Variants in SLC16A2 observed in about 807,000 individuals in gnomAD.
The protein encoded by SLC16A2 is solute carrier family 16 member 2, also known as monocarboxylate transporter 8.
SLC16A2 carries 3 observed loss-of-function variants against 27.2 expected under a neutral mutation model. That is an observed-to-expected ratio of 0.11 (90% CI 0.05 to 0.28). SLC16A2 has a LOEUF of 0.28. SLC16A2 is among the 10% of genes least tolerant of loss of function. The pLI, the probability that SLC16A2 is intolerant of heterozygous loss-of-function variation, is 1.00. For synonymous variants in SLC16A2, 202 were observed against 187.8 expected, an observed-to-expected ratio of 1.08 and a Z score of -0.62; for missense variants, 295 against 458.5, an observed-to-expected ratio of 0.64 and a Z score of 3.26.
At chrX:74,483,423 C>T (rs757749029) in intron 1 of SLC16A2, among the ~76,000 whole-genome samples, 1 of 111,701 alleles carries the variant, frequency 9.0e-6, no homozygotes, top group Non-Finnish European at 1.9e-5. Flanking sequence ...CTCTGGTTCT[C>T]TCTGTTAAAC....
intron 1 of SLC16A2, among the ~76,000 whole-genome samples, chrX:74,468,291 G>C (rs1393915881): frequency 1.8e-5 from 2 of 111,488 alleles, no homozygotes; most frequent in Non-Finnish European, 3.8e-5. Flanking sequence ...CGCAGACCTT[G>C]GCAAATACTA....
At chrX:74,491,670 T>C (rs1929827868) in intron 1 of SLC16A2, among the ~76,000 whole-genome samples, 1 of 112,019 alleles carries the variant, frequency 8.9e-6, no homozygotes, top group African/African-American at 3.2e-5. Flanking sequence ...TGGCGAGCCT[T>C]AGAATTTTAT....
At chrX:74,439,385 C>T (rs1928698613) in intron 1 of SLC16A2, among the ~76,000 whole-genome samples, 1 of 101,987 alleles carries the variant, frequency 9.8e-6, no homozygotes. Context: ...TCATGGTTCA[C>T]TGCAGCCTTG....
chrX:74,523,340 T>TA (rs1930439385), intron 2 of SLC16A2, among the ~76,000 whole-genome samples: 1 of 112,733 alleles, frequency 8.9e-6, no homozygotes, highest in Non-Finnish European at 1.9e-5. Context: ...TTCTTTAGTA[T>TA]GAGGACTGGG....
intron 1 of SLC16A2, among the ~76,000 whole-genome samples, chrX:74,440,081 T>C (rs1928713840): frequency 9.0e-6 from 1 of 111,596 alleles, no homozygotes; most frequent in South Asian, 3.8e-4. Flanking sequence ...GAGAGCAAGA[T>C]GGTTTCTCAG....
chrX:74,506,303 C>G (rs900394674), intron 1 of SLC16A2, among the ~76,000 whole-genome samples: 3 of 111,633 alleles, frequency 2.7e-5, no homozygotes, highest in African/African-American at 9.8e-5. Flanking sequence ...AGACCTTGTC[C>G]CTACCCTGCT....
chrX:74,459,699 C>T (rs771310481), intron 1 of SLC16A2, among the ~76,000 whole-genome samples: 36 of 111,213 alleles, frequency 3.2e-4, no homozygotes, highest in Non-Finnish European at 5.8e-4. Context: ...ATAGTCACAC[C>T]CACTGTTGGA....
At chrX:74,492,917 G>A (rs902127970) in intron 1 of SLC16A2, among the ~76,000 whole-genome samples, 4 of 112,061 alleles carry the variant, frequency 3.6e-5, no homozygotes, top group African/African-American at 1.3e-4. Context: ...CAAAGATGCT[G>A]CAGAAAGAGG....
intron 5 of SLC16A2, 116 bp downstream of exon 5, chrX:74,529,557 GCT>G (rs1235628322): frequency 2.9e-5 from 16 of 545,496 alleles, no homozygotes; most frequent in Non-Finnish European, 4.7e-5. Flanking sequence ...TATTTAAGCA[GCT>G]TTGTCAGAGT....
intron 1 of SLC16A2, among the ~76,000 whole-genome samples, chrX:74,458,315 T>G (rs892902102): frequency 5.4e-5 from 6 of 111,971 alleles, no homozygotes; most frequent in Admixed American, 9.5e-5. Context: ...CCTCAAATAG[T>G]TAGTATTGTT....
At chrX:74,474,660 T>G (rs1487335708) in intron 1 of SLC16A2, among the ~76,000 whole-genome samples, 1 of 110,214 alleles carries the variant, frequency 9.1e-6, no homozygotes, top group Non-Finnish European at 1.9e-5. Flanking sequence ...CCCTGGTGTG[T>G]GATGTTCCCC....
At chrX:74,518,156 G>C (rs192692034) in intron 1 of SLC16A2, among the ~76,000 whole-genome samples, 1 of 111,941 alleles carries the variant, frequency 8.9e-6, no homozygotes, top group African/African-American at 3.2e-5. Flanking sequence ...GTGGGTTTTC[G>C]GGATCATGGT....
chrX:74,480,957 A>G (rs1275139080), intron 1 of SLC16A2, among the ~76,000 whole-genome samples: 3 of 112,322 alleles, frequency 2.7e-5, no homozygotes, highest in Non-Finnish European at 5.6e-5. Flanking sequence ...ATTTTATCAA[A>G]TGCTTTCTCT....
At chrX:74,433,352 A>G (rs1274295487) in intron 1 of SLC16A2, among the ~76,000 whole-genome samples, 1 of 106,579 alleles carries the variant, frequency 9.4e-6, no homozygotes, top group African/African-American at 3.4e-5. Context: ...AGCCTTGGCA[A>G]CACAGTGAGA....
intron 1 of SLC16A2, among the ~76,000 whole-genome samples, chrX:74,469,834 A>G (rs1182412117): frequency 9.0e-6 from 1 of 111,423 alleles, no homozygotes; most frequent in East Asian, 2.8e-4. Flanking sequence ...ACACATCATT[A>G]TTACCCAAAG....
chrX:74,446,684 T>C (rs1209236098), intron 1 of SLC16A2, among the ~76,000 whole-genome samples: 2 of 111,744 alleles, frequency 1.8e-5, no homozygotes, highest in Non-Finnish European at 3.8e-5. Context: ...TCTGCTTTAT[T>C]CCCCTTCATG....
intron 1 of SLC16A2, among the ~76,000 whole-genome samples, chrX:74,426,872 C>G (rs755098487): frequency 8.9e-6 from 1 of 112,239 alleles, no homozygotes; most frequent in South Asian, 3.7e-4. Flanking sequence ...CATTTCCCCA[C>G]GTCATTTGTA....
At chrX:74,475,289 T>C (rs1382500668) in intron 1 of SLC16A2, among the ~76,000 whole-genome samples, 2 of 108,374 alleles carry the variant, frequency 1.8e-5, no homozygotes, top group African/African-American at 6.9e-5. Flanking sequence ...TTTTGAGAAG[T>C]GTCTGTTCAT....
At chrX:74,459,037 T>C (rs1040180072) in intron 1 of SLC16A2, among the ~76,000 whole-genome samples, 8 of 105,983 alleles carry the variant, frequency 7.5e-5, no homozygotes, top group East Asian at 3.0e-4. Flanking sequence ...AGAAATCCCT[T>C]TGGGCCAGTG....
Sources: allele counts gnomAD v4.1 joint callset (sites outside exome capture counted in the v4.1 genomes callset), GRCh38; gene constraint gnomAD v4.1.1; transcripts MANE v1.5; gene names NCBI Gene and HGNC (gene_info 2026-07-23, HGNC 2026-07-21).